MSRB3: variants seen among roughly 807,000 people sequenced by gnomAD.
MSRB3 encodes the protein methionine-R-sulfoxide reductase B3.
MSRB3 carries 13 observed loss-of-function variants against 21.0 expected under a neutral mutation model. The observed-to-expected ratio is 0.62, with a 90% CI of 0.40 to 0.98. The LOEUF is 0.98. Ranked by LOEUF, MSRB3 falls within the 50% of genes least tolerant of loss-of-function variation. MSRB3 has a pLI of 0.00. For synonymous variants in MSRB3, 87 were observed against 88.6 expected (o/e 0.98, Z 0.10); for missense variants, 199 against 230.3 (o/e 0.86, Z 0.88).
intron 1 of MSRB3, 82 bp downstream of exon 1, chr12:65,278,947 C>G (rs1348403865): frequency 6.6e-7 from 1 of 1,526,284 alleles, no homozygotes; most frequent in Non-Finnish European, 8.8e-7. Context: ...TGACCCCGAG[C>G]CGGGATTCCA....
intron 4 of MSRB3, among the ~76,000 whole-genome samples, chr12:65,334,401 G>A (rs566129051): frequency 1.3e-5 from 2 of 152,152 alleles, no homozygotes; most frequent in Non-Finnish European, 2.9e-5. Flanking sequence ...ATTTAGAATA[G>A]TAGCACTCAA....
chr12:65,454,821 A>G (rs536960836), intron 6 of MSRB3, among the ~76,000 whole-genome samples: 58 of 152,326 alleles, frequency 3.8e-4, no homozygotes, highest in Non-Finnish European at 6.3e-4. Flanking sequence ...TCTGACACCC[A>G]CAATCGAGAG....
intron 1 of MSRB3, chr12:65,279,276 G>T (rs1294653190): frequency 5.9e-6 from 1 of 170,876 alleles, no homozygotes; most frequent in Non-Finnish European, 1.2e-5. Flanking sequence ...GACCCTGCCG[G>T]GGTTGCCGCT....
intron 2 of MSRB3, among the ~76,000 whole-genome samples, chr12:65,310,663 A>G (rs1459573138): frequency 6.6e-6 from 1 of 152,234 alleles, no homozygotes; most frequent in East Asian, 1.9e-4. Flanking sequence ...GTCATGGATT[A>G]AAGGGTTTCA....
At chr12:65,419,499 C>A (rs1404672283) in intron 5 of MSRB3, 23 of 741,004 alleles carry the variant, frequency 3.1e-5, no homozygotes, top group Non-Finnish European at 5.5e-5. Context: ...CAGACTGGCG[C>A]ATGGCCAGCT....
At chr12:65,447,047 T>C (rs879427339) in intron 5 of MSRB3, among the ~76,000 whole-genome samples, 1 of 152,240 alleles carries the variant, frequency 6.6e-6, no homozygotes, top group Non-Finnish European at 1.5e-5. Context: ...GGGGTTGCTA[T>C]TGAGGTGTTG....
intron 5 of MSRB3, among the ~76,000 whole-genome samples, chr12:65,370,735 A>T (rs1878271674): frequency 6.6e-6 from 1 of 151,904 alleles, no homozygotes; most frequent in Non-Finnish European, 1.5e-5. Context: ...TGCATGACTT[A>T]TTTTTTTTCA....
intron 4 of MSRB3, among the ~76,000 whole-genome samples, chr12:65,354,540 G>A (rs573661620): frequency 2.9e-4 from 44 of 151,890 alleles, no homozygotes; most frequent in Non-Finnish European, 4.9e-4. Flanking sequence ...TTGTGCATTC[G>A]TCACGTAGTT....
At chr12:65,452,930 A>G (rs182914763) in intron 5 of MSRB3, among the ~76,000 whole-genome samples, 1 of 152,348 alleles carries the variant, frequency 6.6e-6, no homozygotes, top group African/African-American at 2.4e-5. Context: ...TTGGGGAAAC[A>G]TAAAAACATG....
intron 5 of MSRB3, among the ~76,000 whole-genome samples, chr12:65,373,096 T>C (rs1425361446): frequency 2.0e-5 from 3 of 152,080 alleles, no homozygotes; most frequent in Admixed American, 6.6e-5. Context: ...GAAGAAAAAG[T>C]GAAGGATGAG....
In MSRB3 at chr12:65,423,408, G is replaced by A. The variant is rs137905726; in HGVS notation, c.293-30320G>A. ...ACAATATTGAATAGAAGTAGTGAGA[G>A]TAGGCACCCTTGTCTTGTTTCAGAT... On this transcript the variant is annotated intron_variant, in intron 5 of 6. Coordinates refer to ENST00000308259, the MANE Select transcript of MSRB3 (RefSeq NM_001031679.3). 2.2e-4 allele frequency among the ~76,000 whole-genome samples: 33 copies of A among 152,338 alleles called. 1 individual carries two copies. The East Asian group carries it at 5.8e-3, about 27-fold the overall frequency.
chr12:65,376,089 A>G (rs1878598903), intron 5 of MSRB3, among the ~76,000 whole-genome samples: 1 of 151,106 alleles, frequency 6.6e-6, no homozygotes, highest in Non-Finnish European at 1.5e-5. Context: ...ATTTTATCTG[A>G]CAAGGACAGT....
At chr12:65,307,625 A>C (rs377653065) in intron 1 of MSRB3, among the ~76,000 whole-genome samples, 3 of 152,190 alleles carry the variant, frequency 2.0e-5, no homozygotes, top group African/African-American at 4.8e-5. Flanking sequence ...AATCTTTACC[A>C]ATTGAAATAT....
intron 4 of MSRB3, among the ~76,000 whole-genome samples, chr12:65,353,744 A>G (rs1877196284): frequency 6.6e-6 from 1 of 152,170 alleles, no homozygotes; most frequent in Non-Finnish European, 1.5e-5. Context: ...TAATGTTATT[A>G]TGTGTGAATT....
rs536934657 is a variant in MSRB3 at position 65,426,622 on chromosome 12, C to A, written c.293-27106C>A. On this transcript the variant is annotated intron_variant, in intron 5 of 6. Coordinates refer to ENST00000308259, the MANE Select transcript of MSRB3 (RefSeq NM_001031679.3). Reference sequence around the variant, plus strand: ...TTTGGAAAGATTTCTGCTATTATTTCTTTAAATAAGCTTTCTGGCTCTTTG... The same window carrying A: ...TTTGGAAAGATTTCTGCTATTATTTATTTAAATAAGCTTTCTGGCTCTTTG... Among the ~76,000 whole-genome samples the A allele has an allele frequency of 4.6e-5, 7 of 152,222 alleles. 1 individual carries two copies. In the South Asian group the frequency reaches 1.0e-3, roughly 23 times the overall value.
intron 5 of MSRB3, among the ~76,000 whole-genome samples, chr12:65,438,505 C>T (rs1406868129): frequency 1.3e-5 from 2 of 151,764 alleles, no homozygotes. Context: ...AGATGATACT[C>T]CCGAACTTTA....
At chr12:65,285,989 C>T (rs900216280) in intron 1 of MSRB3, 4 of 152,126 alleles carry the variant, frequency 2.6e-5, no homozygotes, top group Non-Finnish European at 1.5e-5. Context: ...ATTTCCAACT[C>T]TTTAAAAATA....
rs527747185 is a variant in MSRB3 at position 65,318,057 on chromosome 12, C to T, written c.77-8769C>T. Among the ~76,000 whole-genome samples, 4 of 151,952 alleles carry T rather than the reference C, an allele frequency of 2.6e-5. 1 individual carries two copies. The highest frequency in any genetic ancestry group is 9.6e-5 in the African/African-American group (4 of 41,466). ...CTTCCCGTGTCAGGGCAAGACATGG[C>T]TTTTCTTGATAAATTTGAGTGAAAA... On this transcript the variant is annotated intron_variant, in intron 2 of 6. Coordinates refer to ENST00000308259, the MANE Select transcript of MSRB3 (RefSeq NM_001031679.3).
chr12:65,372,392 A>G (rs1878376954), intron 5 of MSRB3, among the ~76,000 whole-genome samples: 1 of 152,232 alleles, frequency 6.6e-6, no homozygotes, highest in Non-Finnish European at 1.5e-5. Flanking sequence ...TACTGACTAA[A>G]AACCTTTTCT....
Sources: gnomAD v4.1 joint callset for allele counts (sites outside exome capture counted in the v4.1 genomes callset) on GRCh38, gnomAD v4.1.1 for gene constraint, MANE v1.5 for transcripts, NCBI Gene and HGNC (gene_info 2026-07-23, HGNC 2026-07-21) for gene names.